The following PUM1 variants were observed in gnomAD, a reference collection of about 807,000 sequenced individuals.
The protein encoded by PUM1 is pumilio RNA binding family member 1.
In PUM1, 13 loss-of-function variants were observed where a neutral mutation model predicts 131.8. That is an observed-to-expected ratio of 0.10 (90% CI 0.06 to 0.16). The LOEUF (loss-of-function observed/expected upper bound fraction) is 0.16. Among genes scored for constraint, PUM1 ranks in the 10% least tolerant of loss-of-function variants. The probability of loss-of-function intolerance (pLI) is 1.00; values close to 1 mark genes in which losing one functional copy is unlikely to be tolerated. For missense variants in PUM1, 961 were observed against 1,512.4 expected (o/e 0.64, Z 6.05); for synonymous variants, 509 against 556.5 (o/e 0.91, Z 1.20).
intron 3 of PUM1, among the ~76,000 whole-genome samples, chr1:31,008,587 A>G (rs1322431148): frequency 6.6e-6 from 1 of 152,064 alleles, no homozygotes; most frequent in African/African-American, 2.4e-5. Flanking sequence ...GGGAAGCACT[A>G]AACTGGACAA....
At chr1:30,990,770 T>C in intron 7 of PUM1, among the ~76,000 whole-genome samples, 1 of 152,218 alleles carries the variant, frequency 6.6e-6, no homozygotes, top group East Asian at 1.9e-4. Flanking sequence ...AAAATGCCTC[T>C]ATGTTGCAGC....
At chr1:30,959,413 A>G (rs538624976) in intron 14 of PUM1, among the ~76,000 whole-genome samples, 2 of 152,236 alleles carry the variant, frequency 1.3e-5, no homozygotes, top group Non-Finnish European at 2.9e-5. Context: ...AGTAAGATGT[A>G]TATCTGGAAT....
At chr1:31,032,234 CAG>C (rs1316861093) in intron 2 of PUM1, among the ~76,000 whole-genome samples, 9 of 152,334 alleles carry the variant, frequency 5.9e-5, no homozygotes, top group African/African-American at 1.9e-4. Flanking sequence ...TGCCACAGGG[CAG>C]ACTCTCCAGA....
intron 3 of PUM1, among the ~76,000 whole-genome samples, chr1:31,026,384 C>T (rs1643223805): frequency 6.6e-6 from 1 of 152,086 alleles, no homozygotes; most frequent in South Asian, 2.1e-4. Flanking sequence ...CTAGAAGATG[C>T]TTTTTAAGGA....
At chr1:30,963,347 C>T (rs1489254103) in intron 14 of PUM1, among the ~76,000 whole-genome samples, 1 of 152,188 alleles carries the variant, frequency 6.6e-6, no homozygotes, top group Non-Finnish European at 1.5e-5. Context: ...ATCCCCCTGT[C>T]TACCTATTAT....
At chr1:31,009,460 G>A (rs1642515145) in intron 3 of PUM1, among the ~76,000 whole-genome samples, 1 of 152,024 alleles carries the variant, frequency 6.6e-6, no homozygotes, top group Admixed American at 6.6e-5. Context: ...ACTTGTAAAT[G>A]TTTATTTAAA....
At chr1:30,992,810 C>T in intron 6 of PUM1, 150 bp from the exon 7 acceptor site, 1 of 693,386 alleles carries the variant, frequency 1.4e-6, no homozygotes, top group Non-Finnish European at 2.4e-6. Context: ...CTTTACAGGG[C>T]TTACAGGGTT....
intron 3 of PUM1, among the ~76,000 whole-genome samples, chr1:31,018,241 TG>T (rs1441042270): frequency 3.9e-5 from 6 of 151,938 alleles, no homozygotes; most frequent in African/African-American, 1.5e-4. Flanking sequence ...TCCAGCTACT[TG>T]GGAGGCTGAG....
intron 7 of PUM1, among the ~76,000 whole-genome samples, chr1:30,987,830 T>C (rs2124479166): frequency 6.6e-6 from 1 of 152,332 alleles, no homozygotes; most frequent in South Asian, 2.1e-4. Context: ...ATTATGATTG[T>C]AGACAACAAA....
chr1:31,029,917 A>C (rs1295186492), intron 2 of PUM1, among the ~76,000 whole-genome samples: 1 of 65,496 alleles, frequency 1.5e-5, no homozygotes, highest in African/African-American at 1.0e-4. Context: ...CTTTTTCAAA[A>C]AAAAAAAAAA....
At chr1:30,988,480 T>C (rs1032711187) in intron 7 of PUM1, among the ~76,000 whole-genome samples, 1 of 152,106 alleles carries the variant, frequency 6.6e-6, no homozygotes, top group Admixed American at 6.5e-5. Context: ...TTCTAAAAAA[T>C]CACAAATAAA....
In PUM1 at chr1:31,042,198, C is replaced by G. The variant is rs1643840533; in HGVS notation, c.364-13334G>C. On this transcript the variant is annotated intron_variant, in intron 2 of 21. Coordinates refer to ENST00000426105, the MANE Select transcript of PUM1 (RefSeq NM_001020658.2). The stretch of plus-strand genomic sequence containing the variant: ...GTGCATCCCTGTAATCCCAGCTACT[C>G]AGGAGGCTGAGGCATGAGAATCGCT... 7.9e-5 allele frequency among the ~76,000 whole-genome samples: 12 copies of G among 151,898 alleles called. No individual in the cohort carries two copies. In the South Asian group the frequency reaches 2.3e-3, roughly 29 times the overall value.
At chr1:30,939,169 G>A (rs1639343728) in intron 20 of PUM1, among the ~76,000 whole-genome samples, 1 of 152,022 alleles carries the variant, frequency 6.6e-6, no homozygotes, top group Admixed American at 6.6e-5. Flanking sequence ...TATCCAGATA[G>A]ACACTGCGAA....
intron 9 of PUM1, among the ~76,000 whole-genome samples, chr1:30,978,131 G>A (rs1022616698): frequency 6.6e-6 from 1 of 152,106 alleles, no homozygotes; most frequent in Non-Finnish European, 1.5e-5. Flanking sequence ...TGTAGTCCCA[G>A]TTATTCAGGA....
intron 17 of PUM1, among the ~76,000 whole-genome samples, chr1:30,948,395 A>G (rs72657276): frequency 0.073 from 11,120 of 152,252 alleles, 659 homozygotes; most frequent in East Asian, 0.28. Context: ...GGTAGGAAGC[A>G]TAAGTCAGGC....
At chr1:31,054,226 A>C (rs1570364698) in intron 2 of PUM1, among the ~76,000 whole-genome samples, 1 of 151,870 alleles carries the variant, frequency 6.6e-6, no homozygotes, top group South Asian at 2.1e-4. Context: ...TAGGGAGGCT[A>C]AGGCAGAAGA....
rs1570145622 is a variant in PUM1, at chr1:30,964,463, C to T, written c.2323+211G>A. The stretch of plus-strand genomic sequence containing the variant: ...TTCATACTAAAGCTAACTGAATATA[C>T]AGGGAATGTACCCAAACTATAATAA... On this transcript the variant is annotated intron_variant, in intron 14 of 21. Transcript: ENST00000426105. Among the ~76,000 whole-genome samples, 3 of 152,244 alleles carry T rather than the reference C, an allele frequency of 2.0e-5. No individual in the cohort carries two copies. In the South Asian group the frequency reaches 6.2e-4, roughly 32 times the overall value.
In PUM1 at chr1:31,043,765, T is replaced by C. The variant is rs148109632; in HGVS notation, c.364-14901A>G. Reference sequence around the variant, plus strand: ...ATTTACAGTGTTAGCCTCCAAATACTTCCTTCAGAGAGAAAAGAAAGTAGT... The same window carrying C: ...ATTTACAGTGTTAGCCTCCAAATACCTCCTTCAGAGAGAAAAGAAAGTAGT... On this transcript the variant is annotated intron_variant, in intron 2 of 21. Transcript: ENST00000426105. Among the ~76,000 whole-genome samples, 71 of 152,310 alleles carry C rather than the reference T, an allele frequency of 4.7e-4. 1 individual carries two copies. Among genetic ancestry groups the C allele is most frequent in the African/African-American group, 1.6e-3 (65 of 41,580 alleles).
chr1:31,052,737 C>T (rs1168729749), intron 2 of PUM1, among the ~76,000 whole-genome samples: 4 of 148,954 alleles, frequency 2.7e-5, no homozygotes, highest in African/African-American at 7.4e-5. Flanking sequence ...CTTGCTCTGT[C>T]GCCCAGGCTG....
Sources: gnomAD v4.1 joint callset for allele counts (sites outside exome capture counted in the v4.1 genomes callset) on GRCh38, gnomAD v4.1.1 for gene constraint, MANE v1.5 for transcripts, NCBI Gene and HGNC (gene_info 2026-07-23, HGNC 2026-07-21) for gene names.